KIR2DL4: variants seen among roughly 807,000 people sequenced by gnomAD.
KIR2DL4 encodes killer cell immunoglobulin like receptor, two Ig domains and long cytoplasmic tail 4, also known as killer cell immunoglobulin-like receptor 2DL4.
KIR2DL4 carries 41 observed loss-of-function variants against 31.0 expected under a neutral mutation model. The observed-to-expected ratio is 1.32, with a 90% CI of 1.03 to 1.72. The LOEUF is 1.72. KIR2DL4 is among the 40% of genes most tolerant of loss of function. KIR2DL4 has a pLI of 0.00. For synonymous variants in KIR2DL4, 164 were observed against 133.6 expected, an observed-to-expected ratio of 1.23 and a Z score of -1.57; for missense variants, 438 against 353.7, an observed-to-expected ratio of 1.24 and a Z score of -1.91.
intron 4 of KIR2DL4, 151 bp downstream of exon 4, chr19:54,806,395 G>A (rs951819713): frequency 2.2e-6 from 2 of 918,180 alleles, no homozygotes; most frequent in Non-Finnish European, 1.7e-6. Flanking sequence ...TGGCAGACAG[G>A]GCACCTCCAA....
exon 8 of KIR2DL4, chr19:54,813,893 T>A: frequency 6.2e-7 from 1 of 1,612,512 alleles, no homozygotes; most frequent in East Asian, 2.2e-5. Context: ...GTTGGATCAC[T>A]GCATTTTCAC....
intron 5 of KIR2DL4, among the ~76,000 whole-genome samples, chr19:54,811,353 G>A (rs1294892223): frequency 8.6e-5 from 13 of 151,208 alleles, no homozygotes; most frequent in South Asian, 2.1e-4. Context: ...AGCCAAGATC[G>A]CGTCATTGCA....
At position 54,814,134 on chromosome 19, in the gene KIR2DL4, G is replaced by A. The variant is rs2061067303; in HGVS notation, c.*334G>A. 3.1e-6 allele frequency: 5 copies of A among 1,606,130 alleles called. No homozygotes were observed. The Admixed American group carries it at 5.0e-5, about 16-fold the overall frequency. On this transcript the variant is annotated 3_prime_UTR_variant, in exon 8 of 8. Transcript: ENST00000359085. ...TGAAGGCGTGAGTCTCCATCTTAGA[G>A]CATCACTCTTCCTCACACCACAAAT...
chr19:54,803,795 T>C, intron 1 of KIR2DL4, 96 bp from the exon 2 acceptor site: 1 of 1,563,262 alleles, frequency 6.4e-7, no homozygotes, highest in Non-Finnish European at 8.8e-7. Context: ...GTGGTGAGGA[T>C]GAGTTAATTT....
chr19:54,813,043 C>T, intron 5 of KIR2DL4: 2 of 1,117,750 alleles, frequency 1.8e-6, no homozygotes, highest in Non-Finnish European at 2.5e-6. Flanking sequence ...TATGTGGTTG[C>T]CTGGCAACCA....
At chr19:54,809,871 A>G (rs1297254598) in intron 5 of KIR2DL4, among the ~76,000 whole-genome samples, 3 of 150,774 alleles carry the variant, frequency 2.0e-5, no homozygotes, top group African/African-American at 7.4e-5. Context: ...CCGTAATTCC[A>G]TCTGCAATCT....
chr19:54,804,831 G>T, exon 3 of KIR2DL4: 1 of 1,612,268 alleles, frequency 6.2e-7, no homozygotes, highest in African/African-American at 1.3e-5. Context: ...CTGGCCCAGC[G>T]CTGTGGTGCC....
chr19:54,810,244 G>T (rs1435824506), intron 5 of KIR2DL4, among the ~76,000 whole-genome samples: 1 of 150,470 alleles, frequency 6.6e-6, no homozygotes, highest in African/African-American at 2.5e-5. Flanking sequence ...TCAGCTTCCC[G>T]AGAGGCTGGG....
chr19:54,804,730 G>C, intron 2 of KIR2DL4, 63 bp from the exon 3 acceptor site: 1 of 1,525,594 alleles, frequency 6.6e-7, no homozygotes, highest in Non-Finnish European at 9.0e-7. Context: ...AATCTTCTGA[G>C]CACAGGGAGG....
intron 2 of KIR2DL4, 134 bp from the exon 3 acceptor site, chr19:54,804,659 T>G (rs1254269972): frequency 2.3e-6 from 2 of 887,790 alleles, no homozygotes; most frequent in Non-Finnish European, 3.5e-6. Flanking sequence ...GCGGGATGGG[T>G]CCTTCCTGTA....
In KIR2DL4 at chr19:54,805,908, C is replaced by A. The variant is rs776930998; in HGVS notation, c.362-43C>A. ...AGCTCAGGTGGGAGGGGAGCTGTGA[C>A]AAGGAAGAACCTCCCTGAGGAAACT... On this transcript the variant is annotated intron_variant, in intron 3 of 7. Coordinates refer to ENST00000359085, the Ensembl canonical transcript of KIR2DL4. The A allele has an allele frequency of 1.6e-5, 25 of 1,540,190 alleles. No homozygotes were observed. The East Asian group carries it at 4.3e-4, about 26-fold the overall frequency.
Position 54,806,113 on chromosome 19 carries a change from A to G in KIR2DL4, c.524A>G (p.Asn175Ser), listed in dbSNP as rs996706860. Reference sequence around the variant, plus strand: ...AGGCTCCCTGCAGTGCCCAGCATCAATGGAACATTCCAGGCCGACTTCCCT... The same window carrying G: ...AGGCTCCCTGCAGTGCCCAGCATCAGTGGAACATTCCAGGCCGACTTCCCT... Residue 175 changes from asparagine (N) to serine (S), a missense_variant, in exon 4 of 8, where the codon AAT (asparagine) becomes AGT (serine). Asn to Ser is a conservative substitution (Grantham distance 46). Coordinates refer to ENST00000359085, the Ensembl canonical transcript of KIR2DL4. The G allele has an allele frequency of 6.0e-5, 96 of 1,612,096 alleles. 1 individual carries two copies. In the East Asian group the frequency reaches 6.5e-4, roughly 11 times the overall value.
rs1220789573 is a variant in KIR2DL4, at chr19:54,812,452, G to C, written c.707-673G>C. 4.6e-5 allele frequency among the ~76,000 whole-genome samples: 7 copies of C among 151,324 alleles called. 1 individual carries two copies. Among genetic ancestry groups the C allele is most frequent in the Non-Finnish European group, 8.8e-5 (6 of 67,938 alleles). ...CAGGAAGAACAGGAAGACAGCCCAG[G>C]CTGTTCTGAGACGTTCCTCCTGATC... On this transcript the variant is annotated intron_variant, in intron 5 of 7. Coordinates refer to ENST00000359085, the Ensembl canonical transcript of KIR2DL4.
rs766721674 is a variant in KIR2DL4 at position 54,804,935 on chromosome 19, C to T, written c.219C>T (p.Leu73=). The T allele has an allele frequency of 8.1e-6, 13 of 1,612,254 alleles. No homozygotes were observed. In the East Asian group the frequency reaches 2.9e-4, roughly 36 times the overall value. The change falls in exon 3 of 8, where the codon CTC becomes CTT. Residue 73 remains leucine, a synonymous_variant. Transcript: ENST00000359085. ...AAGATGGGGTCCCTGTCCCTGAGCT[C>T]TACAACAGAATATTCTGGAACAGTT...
intron 5 of KIR2DL4, among the ~76,000 whole-genome samples, chr19:54,809,607 C>G (rs1300288939): frequency 6.6e-6 from 1 of 151,336 alleles, no homozygotes; most frequent in Non-Finnish European, 1.5e-5. Context: ...TTTCCCAGCT[C>G]CTAGAGGCTC....
chr19:54,804,704 A>G, intron 2 of KIR2DL4, 89 bp from the exon 3 acceptor site: 2 of 1,412,444 alleles, frequency 1.4e-6, no homozygotes, highest in Non-Finnish European at 1.9e-6. Context: ...GAGCCTTAGA[A>G]AGAAGAAATG....
In KIR2DL4 at chr19:54,804,939, A is replaced by G. The variant is rs754238993; in HGVS notation, c.223A>G (p.Asn75Asp). The G allele has an allele frequency of 1.4e-5, 23 of 1,611,946 alleles. No individual in the cohort carries two copies. The East Asian group carries it at 4.5e-4, about 31-fold the overall frequency. The change falls in exon 3 of 8, where the codon AAC becomes GAC. Residue 75 changes from asparagine (N) to aspartate (D), a missense_variant. Coordinates refer to ENST00000359085, the Ensembl canonical transcript of KIR2DL4. ...TGGGGTCCCTGTCCCTGAGCTCTAC[A>G]ACAGAATATTCTGGAACAGTTTCCT...
At position 54,811,869 on chromosome 19, in the gene KIR2DL4, C is replaced by A. The variant is rs537197391; in HGVS notation, c.707-1256C>A. Among the ~76,000 whole-genome samples, 2 of 151,220 alleles carry A rather than the reference C, an allele frequency of 1.3e-5. 1 individual carries two copies. Among genetic ancestry groups the A allele is most frequent in the Non-Finnish European group, 2.9e-5 (2 of 67,920 alleles). ...GGGGGTGGTCTTTCCCCCAGACTCT[C>A]GGGTGGAACAGCAGCCTAATATCTG... On this transcript the variant is annotated intron_variant, in intron 5 of 7. Transcript: ENST00000359085.
intron 3 of KIR2DL4, among the ~76,000 whole-genome samples, chr19:54,805,507 G>T (rs1449718287): frequency 6.6e-6 from 1 of 151,414 alleles, no homozygotes; most frequent in Non-Finnish European, 1.5e-5. Flanking sequence ...CCACGAAGGG[G>T]CTGGAGAAAT....
Sources: allele counts gnomAD v4.1 joint callset (sites outside exome capture counted in the v4.1 genomes callset), GRCh38; gene constraint gnomAD v4.1.1; transcripts MANE v1.5; gene names NCBI Gene and HGNC (gene_info 2026-07-23, HGNC 2026-07-21).